The following ANK3 variants were observed in gnomAD, a reference collection of about 807,000 sequenced individuals.
The protein encoded by ANK3 is ankyrin-3.
Under a neutral mutation model 370.9 loss-of-function variants are expected in ANK3, and 57 were observed. The ratio of observed to expected loss-of-function variants is 0.15; its 90% CI spans 0.12 to 0.19. The LOEUF (loss-of-function observed/expected upper bound fraction) is 0.19. Among genes scored for constraint, ANK3 ranks in the 10% least tolerant of loss-of-function variants. The probability of loss-of-function intolerance (pLI) is 1.00; values close to 1 mark genes in which losing one functional copy is unlikely to be tolerated. For synonymous variants in ANK3, 1,929 were observed against 1,946.3 expected (o/e 0.99, Z 0.23); for missense variants, 4,439 against 5,302.1 (o/e 0.84, Z 5.06).
chr10:60,395,391 A>G (rs1295130799), intron 2 of ANK3, among the ~76,000 whole-genome samples: 1 of 152,222 alleles, frequency 6.6e-6, no homozygotes, highest in East Asian at 1.9e-4. Flanking sequence ...GTGAAATTAG[A>G]TGCATGACTT....
intron 40 of ANK3, 28 bp downstream of exon 40, chr10:60,063,083 A>C (rs1589433113): frequency 6.3e-7 from 1 of 1,593,350 alleles, no homozygotes; most frequent in Non-Finnish European, 8.5e-7. Flanking sequence ...CAAATGATTA[A>C]ATAAATATGA....
intron 23 of ANK3, among the ~76,000 whole-genome samples, chr10:60,157,047 T>G (rs76908375): frequency 0.012 from 1,813 of 151,512 alleles, 51 homozygotes; most frequent in African/African-American, 0.042. Context: ...ATCTTTTTTT[T>G]TTTTTTCGAG....
chr10:60,504,338 G>A (rs113910444), intron 2 of ANK3, among the ~76,000 whole-genome samples: 2,349 of 152,246 alleles, frequency 0.015, 78 homozygotes, highest in African/African-American at 0.054. Context: ...GGCATGGTAG[G>A]TGCAGCTTTC....
intron 1 of ANK3, among the ~76,000 whole-genome samples, chr10:60,287,184 T>A (rs2040207163): frequency 6.6e-6 from 1 of 152,132 alleles, no homozygotes; most frequent in Non-Finnish European, 1.5e-5. Context: ...AGTAAAACAG[T>A]TTTTGCTTTC....
At chr10:60,052,918 C>G (rs1352430824) in intron 42 of ANK3, among the ~76,000 whole-genome samples, 1 of 151,586 alleles carries the variant, frequency 6.6e-6, no homozygotes, top group Non-Finnish European at 1.5e-5. Context: ...AGATAATAAA[C>G]TAGGCCATCT....
At chr10:60,674,183 T>G (rs2133384166) in intron 1 of ANK3, among the ~76,000 whole-genome samples, 1 of 152,296 alleles carries the variant, frequency 6.6e-6, no homozygotes, top group East Asian at 1.9e-4. Flanking sequence ...AAGGTAAACT[T>G]TACTACAGTG....
intron 42 of ANK3, chr10:60,044,157 T>C (rs1451882890): frequency 7.1e-6 from 7 of 985,544 alleles, no homozygotes; most frequent in Non-Finnish European, 8.4e-6. Context: ...TGGTGAAAAG[T>C]AGAGATTTTT....
intron 2 of ANK3, among the ~76,000 whole-genome samples, chr10:60,454,732 T>C (rs4948260): frequency 6.6e-6 from 1 of 152,058 alleles, no homozygotes; most frequent in African/African-American, 2.4e-5. Context: ...ATTTATCTCC[T>C]GACTTGAAGT....
At chr10:60,725,504 C>T (rs917887629) in intron 1 of ANK3, among the ~76,000 whole-genome samples, 1 of 152,290 alleles carries the variant, frequency 6.6e-6, no homozygotes, top group South Asian at 2.1e-4. Flanking sequence ...TGTGCTTCCA[C>T]CAGCACACGC....
chr10:60,252,181 T>C (rs72820476), intron 7 of ANK3, among the ~76,000 whole-genome samples: 2,960 of 152,304 alleles, frequency 0.019, 37 homozygotes, highest in South Asian at 0.036. Context: ...ACACTCTAGG[T>C]ACCCCTTTGC....
rs139040477 is a variant in ANK3 at position 60,294,447 on chromosome 10, G to A, written c.115-14808C>T. On this transcript the variant is annotated intron_variant, in intron 1 of 43. Coordinates refer to ENST00000280772, the MANE Select transcript of ANK3 (RefSeq NM_020987.5). ...AAAATGTTGGCCACCAGCTGATGCA[G>A]CTGGAGCCTTGCTAGAATTGTTGGT... 7.1e-3 allele frequency among the ~76,000 whole-genome samples: 1,088 copies of A among 152,274 alleles called. 39 individuals are homozygous for A. The highest frequency in any genetic ancestry group is 0.062 in the Admixed American group (955 of 15,280).
At chr10:60,096,857 G>A (rs1386320841) in intron 28 of ANK3, among the ~76,000 whole-genome samples, 1 of 152,156 alleles carries the variant, frequency 6.6e-6, no homozygotes, top group African/African-American at 2.4e-5. Flanking sequence ...GAGAAAAATG[G>A]CATAAGTTGC....
chr10:60,494,639 C>T (rs781125693), intron 2 of ANK3, among the ~76,000 whole-genome samples: 1 of 151,932 alleles, frequency 6.6e-6, no homozygotes, highest in Non-Finnish European at 1.5e-5. Context: ...TTTCTTTTAG[C>T]CTTATTTTTA....
intron 2 of ANK3, among the ~76,000 whole-genome samples, chr10:60,446,546 G>T (rs2064451738): frequency 6.6e-6 from 1 of 152,162 alleles, no homozygotes; most frequent in South Asian, 2.1e-4. Flanking sequence ...AAGACATTCA[G>T]TGACAGAGCT....
In ANK3 at chr10:60,070,609, A is replaced by G. The variant is rs1463187502; in HGVS notation, c.10272T>C (p.Asp3424=). ...TAGAATCACTCTCTGTCAAGCCATC[A>G]TCTTCATCTTGCAGGTCATAGCCAT... ...SLDGYDLQDE[D]DGLTESDSKL... Residue 3424 remains aspartate, a synonymous_variant, in exon 37 of 44, where the codon GAT becomes GAC. Coordinates refer to ENST00000280772, the MANE Select transcript of ANK3 (RefSeq NM_020987.5). The surrounding 1 kb of genome is among the most constrained non-coding windows in gnomAD (Gnocchi z 5.7). 16 of 1,613,990 alleles carry G rather than the reference A, an allele frequency of 9.9e-6. No individual in the cohort carries two copies. The highest frequency in any genetic ancestry group is 4.0e-5 in the African/African-American group (3 of 74,930).
At chr10:60,636,203 C>G (rs2078552583) in intron 1 of ANK3, among the ~76,000 whole-genome samples, 1 of 152,092 alleles carries the variant, frequency 6.6e-6, no homozygotes, top group Admixed American at 6.6e-5. Context: ...ATTTCTATAT[C>G]CACAATGAAG....
At chr10:60,520,939 GT>G (rs5785451) in intron 2 of ANK3, among the ~76,000 whole-genome samples, 57,716 of 150,036 alleles carry the variant, frequency 0.38, 11,340 homozygotes, top group Middle Eastern at 0.42. Flanking sequence ...TTTTGTCTTA[GT>G]TTTTTTTTTA....
intron 28 of ANK3, among the ~76,000 whole-genome samples, chr10:60,092,411 G>T (rs1326284194): frequency 6.6e-6 from 1 of 152,032 alleles, no homozygotes; most frequent in East Asian, 1.9e-4. Flanking sequence ...GAATGATTAG[G>T]TAATTGGATC....
chr10:60,658,446 C>A (rs2078894691), intron 1 of ANK3, among the ~76,000 whole-genome samples: 1 of 151,926 alleles, frequency 6.6e-6, no homozygotes, highest in Admixed American at 6.6e-5. Context: ...AATATAGGAA[C>A]CATGTAATGG....
Sources: allele counts gnomAD v4.1 joint callset (sites outside exome capture counted in the v4.1 genomes callset), GRCh38; gene constraint gnomAD v4.1.1; non-coding constraint Gnocchi (gnomAD v3.1); transcripts MANE v1.5; gene names NCBI Gene and HGNC (gene_info 2026-07-23, HGNC 2026-07-21).